LRRC56: variants seen among roughly 807,000 people sequenced by gnomAD.
LRRC56 encodes the protein leucine-rich repeat-containing protein 56.
LRRC56 carries 41 observed loss-of-function variants against 47.8 expected under a neutral mutation model. That is an observed-to-expected ratio of 0.86 (90% CI 0.67 to 1.11). LRRC56 has a LOEUF of 1.11. Among genes scored for constraint, LRRC56 ranks in the 50% most tolerant of loss-of-function variants. The pLI is 0.00. For synonymous variants in LRRC56, 387 were observed against 311.2 expected, an observed-to-expected ratio of 1.24 and a Z score of -2.56; for missense variants, 759 against 704.2, an observed-to-expected ratio of 1.08 and a Z score of -0.88.
At chr11:551,573 G>A (rs1006198865) in intron 9 of LRRC56, 78 bp from the exon 10 acceptor site, 5 of 1,466,918 alleles carry the variant, frequency 3.4e-6, no homozygotes, top group Middle Eastern at 1.9e-4. Flanking sequence ...GGGGATTGGG[G>A]CCCCTGGTCT....
At chr11:515,124 C>T in the LRRC56 span, among the ~76,000 whole-genome samples, 4 of 152,302 alleles carry the variant, frequency 2.6e-5, no homozygotes, top group East Asian at 7.7e-4. Context: ...CAAGAAGACC[C>T]ACAAGGCCTG....
chr11:551,080 G>A, intron 8 of LRRC56, 51 bp from the exon 9 acceptor site: 1 of 1,098,334 alleles, frequency 9.1e-7, no homozygotes, highest in Non-Finnish European at 1.3e-6. Context: ...TGGCCGGAAG[G>A]AAACACTGGA....
At chr11:511,828 G>A in the LRRC56 span, among the ~76,000 whole-genome samples, 2 of 152,182 alleles carry the variant, frequency 1.3e-5, no homozygotes, top group Admixed American at 6.6e-5. Context: ...TCTGGGAACC[G>A]GAAGATATTC....
chr11:541,337 C>A lies in LRRC56; in HGVS notation c.178-200C>A, dbSNP rs1851781373. Among the ~76,000 whole-genome samples, 1 of 152,214 alleles carries A rather than the reference C, an allele frequency of 6.6e-6. No individual in the cohort carries two copies. The highest frequency in any genetic ancestry group is 2.4e-5 in the African/African-American group (1 of 41,458). On this transcript the variant is annotated intron_variant, in intron 4 of 13. Coordinates refer to ENST00000270115, the MANE Select transcript of LRRC56 (RefSeq NM_198075.4). The surrounding 1 kb of genome is among the most constrained non-coding windows in gnomAD (Gnocchi z 4.1). Reference sequence around the variant, plus strand: ...GGCAGGTCCTTCTCCCGCAATGACCCCCCAGCCAAGTGCAGCACAAGCTCT... The same window carrying A: ...GGCAGGTCCTTCTCCCGCAATGACCACCCAGCCAAGTGCAGCACAAGCTCT...
chr11:550,348 C>T (rs2134061043), intron 8 of LRRC56, 76 bp downstream of exon 8: 2 of 1,382,460 alleles, frequency 1.4e-6, no homozygotes, highest in Non-Finnish European at 1.9e-6. Context: ...CGGGGCCCCT[C>T]CTCTGGCCAG....
intron 5 of LRRC56, among the ~76,000 whole-genome samples, chr11:542,578 C>T (rs1412128596): frequency 2.6e-5 from 2 of 75,986 alleles, no homozygotes; most frequent in Admixed American, 1.5e-4. Flanking sequence ...AAAACCCTGT[C>T]GCAAAAAAAA....
intron 6 of LRRC56, among the ~76,000 whole-genome samples, chr11:548,250 A>G (rs1384953542): frequency 6.6e-6 from 1 of 152,270 alleles, no homozygotes; most frequent in East Asian, 1.9e-4. Flanking sequence ...AGATAAAGGT[A>G]AAAAGTTGGA....
At chr11:537,322 C>A (rs970132303), upstream of LRRC56, 1 of 152,224 alleles carries the variant, frequency 6.6e-6, no homozygotes, top group African/African-American at 2.4e-5. Flanking sequence ...GCGTCACCTT[C>A]CCCTGGGATC....
At chr11:520,836 T>C in the LRRC56 span, among the ~76,000 whole-genome samples, 1 of 152,112 alleles carries the variant, frequency 6.6e-6, no homozygotes, top group African/African-American at 2.4e-5. Flanking sequence ...CGAGGGCCTT[T>C]CCTGCGCCTC....
chr11:540,843 C>A lies in LRRC56; in HGVS notation c.159C>A (p.Tyr53Ter). ...TTGGAGAGCAGCTGGTGGAAGAGTA[C>A]CTGTCCCCTGCCCGGCTGGTGAGTG... The part of the protein sequence containing the change: ...DRLGEQLVEE[Y>*]LSPARLQALA... Residue 53 changes from tyrosine to a stop codon, truncating the protein, a stop_gained, in exon 4 of 14, where the codon TAC (tyrosine) becomes TAA (stop). Coordinates refer to ENST00000270115, the MANE Select transcript of LRRC56 (RefSeq NM_198075.4). LOFTEE classifies it high-confidence loss of function. 6.4e-7 allele frequency: 1 copy of A among 1,570,476 alleles called. No homozygotes were observed. Among genetic ancestry groups the A allele is most frequent in the Middle Eastern group, 1.8e-4 (1 of 5,610 alleles).
the LRRC56 span, among the ~76,000 whole-genome samples, chr11:517,749 G>C: frequency 1.3e-5 from 2 of 152,110 alleles, no homozygotes; most frequent in African/African-American, 4.8e-5. Flanking sequence ...GTGGGGAAAA[G>C]AAAGAGAGGT....
chr11:514,092 A>G, the LRRC56 span, among the ~76,000 whole-genome samples: 1 of 152,046 alleles, frequency 6.6e-6, no homozygotes, highest in Admixed American at 6.6e-5. Context: ...CCCAGGTTCA[A>G]GCGATTCTCT....
At chr11:547,433 A>C (rs113522180) in intron 6 of LRRC56, among the ~76,000 whole-genome samples, 20,941 of 151,482 alleles carry the variant, frequency 0.14, 2,012 homozygotes, top group African/African-American at 0.28. Context: ...GGCTCACTGC[A>C]ATCTCGCCTC....
chr11:544,932 G>A (rs1851996790), intron 6 of LRRC56, 152 bp downstream of exon 6: 7 of 789,142 alleles, frequency 8.9e-6, no homozygotes, highest in Non-Finnish European at 1.5e-5. Context: ...CCTGCTGGCT[G>A]CCTGACCCCA....
the LRRC56 span, among the ~76,000 whole-genome samples, chr11:525,348 G>C: frequency 6.6e-6 from 1 of 152,090 alleles, no homozygotes; most frequent in East Asian, 1.9e-4. Flanking sequence ...GACCATCCTG[G>C]CTAACACGGT....
chr11:542,833 A>T (rs1215284235), intron 5 of LRRC56, among the ~76,000 whole-genome samples: 1 of 152,084 alleles, frequency 6.6e-6, no homozygotes, highest in African/African-American at 2.4e-5. Context: ...GTCAGGAATT[A>T]CACCTGTACA....
intron 8 of LRRC56, among the ~76,000 whole-genome samples, 178 bp downstream of exon 8, chr11:550,450 C>T (rs1852325854): frequency 6.6e-6 from 1 of 152,196 alleles, no homozygotes; most frequent in African/African-American, 2.4e-5. Context: ...GGACACCCTC[C>T]TGGACCAGCC....
chr11:534,031 C>A (rs547844807), upstream of LRRC56: 43 of 1,390,202 alleles, frequency 3.1e-5, no homozygotes, highest in Middle Eastern at 3.6e-4. Context: ...ACCTCTCATG[C>A]CCCTCATGCC....
At chr11:552,759 T>C (rs1589820024) in intron 13 of LRRC56, 57 bp downstream of exon 13, 2 of 1,469,934 alleles carry the variant, frequency 1.4e-6, no homozygotes, top group East Asian at 4.6e-5. Flanking sequence ...ACCCCACTTC[T>C]ATAGGGGGGC....
Sources: allele counts gnomAD v4.1 joint callset (sites outside exome capture counted in the v4.1 genomes callset), GRCh38; gene constraint gnomAD v4.1.1; non-coding constraint Gnocchi (gnomAD v3.1); transcripts MANE v1.5; gene names NCBI Gene and HGNC (gene_info 2026-07-23, HGNC 2026-07-21).